Variants in EPHB1 observed in about 807,000 individuals in gnomAD.
EPHB1 encodes the protein EPH receptor B1.
In EPHB1, 30 loss-of-function variants were observed where a neutral mutation model predicts 94.4. The ratio of observed to expected loss-of-function variants is 0.32; its 90% confidence interval spans 0.24 to 0.43. The LOEUF (loss-of-function observed/expected upper bound fraction) is 0.43. Ranked by LOEUF, EPHB1 falls within the 20% of genes least tolerant of loss-of-function variation. The pLI, the probability that EPHB1 is intolerant of heterozygous loss-of-function variation, is 1.00. For missense variants in EPHB1, 1,055 were observed against 1,308.3 expected (o/e 0.81, Z 2.99); for synonymous variants, 522 against 489.1 (o/e 1.07, Z -0.89).
intron 1 of EPHB1, among the ~76,000 whole-genome samples, chr3:134,874,783 C>T (rs554665666): frequency 4.2e-4 from 64 of 152,312 alleles, no homozygotes; most frequent in African/African-American, 1.4e-3. Flanking sequence ...TGAGGATTGT[C>T]AGGAGGAGCA....
At chr3:134,915,191 T>C (rs1187608931) in intron 1 of EPHB1, among the ~76,000 whole-genome samples, 1 of 152,200 alleles carries the variant, frequency 6.6e-6, no homozygotes, top group Non-Finnish European at 1.5e-5. Flanking sequence ...AAAAGATATG[T>C]TGAGGTCCTG....
At chr3:135,117,547 T>C (rs116343371) in intron 4 of EPHB1, among the ~76,000 whole-genome samples, 2,656 of 152,278 alleles carry the variant, frequency 0.017, 33 homozygotes, top group Non-Finnish European at 0.03. Flanking sequence ...CTCCACCCCA[T>C]TAAATAAAAA....
At chr3:135,001,312 C>A (rs36073) in intron 3 of EPHB1, among the ~76,000 whole-genome samples, 1 of 151,906 alleles carries the variant, frequency 6.6e-6, no homozygotes, top group Non-Finnish European at 1.5e-5. Context: ...TGGGAGGTTG[C>A]TAACAGTGAG....
At chr3:135,051,536 T>A (rs1183172883) in intron 3 of EPHB1, among the ~76,000 whole-genome samples, 1 of 152,218 alleles carries the variant, frequency 6.6e-6, no homozygotes, top group East Asian at 1.9e-4. Context: ...TGGTTTCTGA[T>A]CATAGCTTCA....
At chr3:134,834,948 T>C (rs62272431) in intron 1 of EPHB1, among the ~76,000 whole-genome samples, 23,153 of 152,238 alleles carry the variant, frequency 0.15, 1,975 homozygotes, top group South Asian at 0.41. Flanking sequence ...CTGTCACCTA[T>C]GAGTGATTGA....
At chr3:135,244,851 T>A (rs9815326) in intron 13 of EPHB1, among the ~76,000 whole-genome samples, 53,290 of 152,116 alleles carry the variant, frequency 0.35, 9,388 homozygotes, top group Middle Eastern at 0.44. Flanking sequence ...ATACCAATGA[T>A]TGATCTCAGT....
intron 4 of EPHB1, 103 bp from the exon 5 acceptor site, chr3:135,132,611 G>C: frequency 1.0e-6 from 1 of 1,001,894 alleles, no homozygotes; most frequent in Non-Finnish European, 1.4e-6. Flanking sequence ...AGTGGGAGGC[G>C]AGCGCACTGA....
chr3:135,138,724 G>T (rs1414382170), intron 5 of EPHB1, among the ~76,000 whole-genome samples: 2 of 152,040 alleles, frequency 1.3e-5, no homozygotes, highest in Non-Finnish European at 2.9e-5. Context: ...ATAAAGAAAA[G>T]TTAAAAAAAA....
intron 5 of EPHB1, among the ~76,000 whole-genome samples, chr3:135,152,419 A>G (rs1941222905): frequency 6.6e-6 from 1 of 152,238 alleles, no homozygotes; most frequent in South Asian, 2.1e-4. Context: ...AATTCCCAAC[A>G]GGGAAGTTGT....
intron 3 of EPHB1, among the ~76,000 whole-genome samples, chr3:134,967,680 C>T (rs1436636923): frequency 6.6e-6 from 1 of 152,122 alleles, no homozygotes; most frequent in Non-Finnish European, 1.5e-5. Flanking sequence ...GAACTCCCAG[C>T]CTTCAGAACT....
At chr3:134,988,283 A>C (rs1005606337) in intron 3 of EPHB1, among the ~76,000 whole-genome samples, 9 of 152,254 alleles carry the variant, frequency 5.9e-5, no homozygotes, top group African/African-American at 1.2e-4. Flanking sequence ...TCCTGAACTC[A>C]GGGCTGGGCA....
intron 11 of EPHB1, among the ~76,000 whole-genome samples, chr3:135,193,815 G>A (rs376006190): frequency 5.3e-5 from 8 of 152,320 alleles, no homozygotes; most frequent in Admixed American, 2.0e-4. Flanking sequence ...CTAATGCTAC[G>A]TAACAAATCA....
chr3:134,878,708 T>C (rs1188960357), intron 1 of EPHB1, among the ~76,000 whole-genome samples: 1 of 152,258 alleles, frequency 6.6e-6, no homozygotes, highest in East Asian at 1.9e-4. Flanking sequence ...AGCCCAGTGT[T>C]TTCTGAACTT....
intron 12 of EPHB1, among the ~76,000 whole-genome samples, chr3:135,240,624 C>T (rs370684211): frequency 1.3e-5 from 2 of 152,182 alleles, no homozygotes; most frequent in South Asian, 2.1e-4. Context: ...ACCTGCCCCC[C>T]AGAGGTGGAA....
At chr3:135,237,290 A>G (rs553544462) in intron 12 of EPHB1, among the ~76,000 whole-genome samples, 1 of 151,806 alleles carries the variant, frequency 6.6e-6, no homozygotes, top group African/African-American at 2.4e-5. Flanking sequence ...ACACACACAC[A>G]CACACACACA....
At position 135,259,158 on chromosome 3, in the gene EPHB1, G is replaced by T. The variant is rs568432165; in HGVS notation, c.*38G>T. 21 of 1,531,348 alleles carry T rather than the reference G, an allele frequency of 1.4e-5. No individual in the cohort carries two copies. In the East Asian group the frequency reaches 4.9e-4, roughly 36 times the overall value. 94.9% of individuals were successfully genotyped at this position (1,531,348 alleles called of 1,614,324 possible). On this transcript the variant is annotated 3_prime_UTR_variant, in exon 16 of 16. Transcript: ENST00000398015. The stretch of plus-strand genomic sequence containing the variant: ...CTTGGGGAAGGAGAGGAGGGAAAAG[G>T]ACCAGGGTCAAGGGGGACCAGAGGT...
intron 3 of EPHB1, among the ~76,000 whole-genome samples, chr3:135,018,451 C>T (rs1324863393): frequency 2.6e-5 from 4 of 152,054 alleles, no homozygotes; most frequent in African/African-American, 9.7e-5. Flanking sequence ...TCCCTTTCTT[C>T]GAAGACCAGC....
At chr3:134,973,424 TC>T (rs1227844231) in intron 3 of EPHB1, among the ~76,000 whole-genome samples, 1 of 124,272 alleles carries the variant, frequency 8.0e-6, no homozygotes, top group African/African-American at 3.4e-5. Flanking sequence ...TGTCTTCTAG[TC>T]TTTTTTTTTT....
intron 5 of EPHB1, among the ~76,000 whole-genome samples, chr3:135,148,572 T>A (rs1239203767): frequency 6.6e-6 from 1 of 152,216 alleles, no homozygotes; most frequent in Non-Finnish European, 1.5e-5. Flanking sequence ...GTGACTAGTT[T>A]GGGCCAACAT....
Sources: gnomAD v4.1 joint callset for allele counts (sites outside exome capture counted in the v4.1 genomes callset) on GRCh38, gnomAD v4.1.1 for gene constraint, MANE v1.5 for transcripts, NCBI Gene and HGNC (gene_info 2026-07-23, HGNC 2026-07-21) for gene names.